DGKI: variants seen among roughly 807,000 people sequenced by gnomAD.
DGKI encodes diacylglycerol kinase iota.
Under a neutral mutation model 147.5 loss-of-function variants are expected in DGKI, and 55 were observed. The observed-to-expected ratio is 0.37, with a 90% CI of 0.30 to 0.47. DGKI has a LOEUF of 0.47. Among genes scored for constraint, DGKI ranks in the 20% least tolerant of loss-of-function variants. DGKI has a pLI of 1.00. For synonymous variants in DGKI, 469 were observed against 477.1 expected (o/e 0.98, Z 0.22); for missense variants, 1,007 against 1,323.8 (o/e 0.76, Z 3.71).
At chr7:137,771,115 C>G (rs888006815) in intron 1 of DGKI, among the ~76,000 whole-genome samples, 1 of 151,860 alleles carries the variant, frequency 6.6e-6, no homozygotes. Flanking sequence ...TTTGAGATGG[C>G]ATCTCACCTC....
In DGKI at chr7:137,846,798, G is replaced by A; in HGVS notation, c.65C>T (p.Ala22Val). The A allele has an allele frequency of 8.9e-7, 1 of 1,118,838 alleles. No homozygotes were observed. Among genetic ancestry groups the A allele is most frequent in the Admixed American group, 5.0e-5 (1 of 19,842 alleles). The allele number at this position is 1,118,838 out of a possible 1,614,324, so 69.3% of individuals were successfully genotyped here. ...PLPAARGPARAPAAAAAAAAS... is the reference protein window; with the variant it reads ...PLPAARGPARVPAAAAAAAAS... ...GGCGGCGGCGGCGGCGGCTGCAGGA[G>A]CGCGGGCAGGTCCGCGCGCCGCTGG... The change falls in exon 1 of 33, where the codon GCT becomes GTT. Residue 22 changes from alanine to valine, a missense_variant. By Grantham distance (64) the Ala-to-Val change is moderately conservative. Coordinates refer to ENST00000614521, the MANE Select transcript of DGKI (RefSeq NM_001321708.2). This position sits in a 1 kb window ranked among gnomAD's most constrained non-coding sequence, Gnocchi z 4.0.
At chr7:137,815,781 T>G in intron 1 of DGKI, among the ~76,000 whole-genome samples, 1 of 152,156 alleles carries the variant, frequency 6.6e-6, no homozygotes, top group East Asian at 1.9e-4. Context: ...AAAAGATTAG[T>G]TCTACAAGGG....
chr7:137,830,867 G>A (rs2617890), intron 1 of DGKI, among the ~76,000 whole-genome samples: 50,455 of 151,986 alleles, frequency 0.33, 9,818 homozygotes, highest in Middle Eastern at 0.55. Context: ...GGGTGACTTA[G>A]AACTGAGTCT....
intron 6 of DGKI, 143 bp downstream of exon 6, chr7:137,645,329 T>A (rs991333997): frequency 5.1e-6 from 3 of 591,486 alleles, no homozygotes; most frequent in Non-Finnish European, 8.5e-6. Flanking sequence ...ACAATGCCTC[T>A]TAAGGAGACC....
chr7:137,630,828 G>A (rs1318739234), intron 6 of DGKI, among the ~76,000 whole-genome samples: 1 of 151,994 alleles, frequency 6.6e-6, no homozygotes, highest in African/African-American at 2.4e-5. Flanking sequence ...TAGAACACCA[G>A]GAAGGTTTCT....
intron 1 of DGKI, among the ~76,000 whole-genome samples, chr7:137,746,218 G>T (rs945695869): frequency 5.9e-5 from 9 of 152,092 alleles, no homozygotes; most frequent in Non-Finnish European, 1.2e-4. Flanking sequence ...GATTGTTCTG[G>T]AGAGACTGTG....
At chr7:137,791,404 T>A (rs1796851427) in intron 1 of DGKI, among the ~76,000 whole-genome samples, 1 of 152,212 alleles carries the variant, frequency 6.6e-6, no homozygotes, top group South Asian at 2.1e-4. Context: ...CTAGCATATC[T>A]TCTCCAAAAG....
intron 21 of DGKI, among the ~76,000 whole-genome samples, chr7:137,519,594 C>T (rs1238310172): frequency 6.6e-6 from 1 of 151,956 alleles, no homozygotes; most frequent in East Asian, 1.9e-4. Context: ...TTAATTAATG[C>T]TTCTGAAATA....
At chr7:137,842,609 G>A (rs1267876090) in intron 1 of DGKI, among the ~76,000 whole-genome samples, 2 of 152,236 alleles carry the variant, frequency 1.3e-5, no homozygotes, top group Non-Finnish European at 2.9e-5. Flanking sequence ...CGATGGGCCA[G>A]CTCTTCATTG....
chr7:137,669,022 T>C (rs1005729760), intron 3 of DGKI, among the ~76,000 whole-genome samples: 2 of 152,188 alleles, frequency 1.3e-5, no homozygotes, highest in Non-Finnish European at 2.9e-5. Flanking sequence ...AGAAGCAGTA[T>C]AATCCCATTT....
chr7:137,421,022 AAAAAAG>A (rs1156741588), intron 28 of DGKI, among the ~76,000 whole-genome samples: 1 of 152,140 alleles, frequency 6.6e-6, no homozygotes, highest in African/African-American at 2.4e-5. Flanking sequence ...CCGTCTCAAT[AAAAAAG>A]AAAAAGAAAA....
chr7:137,391,519 C>T (rs1002906160), intron 32 of DGKI, among the ~76,000 whole-genome samples, 183 bp from the exon 33 acceptor site: 1 of 152,180 alleles, frequency 6.6e-6, no homozygotes, highest in South Asian at 2.1e-4. Context: ...ACTTTCAAAT[C>T]TATTGTCTTA....
chr7:137,709,441 T>C (rs1297968495), intron 1 of DGKI, among the ~76,000 whole-genome samples: 4 of 152,208 alleles, frequency 2.6e-5, no homozygotes, highest in African/African-American at 9.6e-5. Context: ...TCCACTCATC[T>C]TAAAGACTAC....
intron 5 of DGKI, among the ~76,000 whole-genome samples, chr7:137,653,267 T>C (rs940790160): frequency 2.0e-5 from 3 of 152,254 alleles, no homozygotes; most frequent in Non-Finnish European, 2.9e-5. Flanking sequence ...ACCAACGTTA[T>C]TCTTAGTTCA....
chr7:137,545,880 C>A (rs1173928223), intron 20 of DGKI: 1 of 698,256 alleles, frequency 1.4e-6, no homozygotes, highest in Non-Finnish European at 2.6e-6. Flanking sequence ...AATGTAGAAA[C>A]AGAATGGCAC....
intron 19 of DGKI, among the ~76,000 whole-genome samples, chr7:137,557,392 G>A (rs905898347): frequency 2.0e-5 from 3 of 152,080 alleles, no homozygotes; most frequent in East Asian, 1.9e-4. Context: ...CAGTGGAAAT[G>A]AATAACAGAA....
At chr7:137,654,851 T>TAA in intron 4 of DGKI, 63 bp from the exon 5 acceptor site, 1 of 979,544 alleles carries the variant, frequency 1.0e-6, no homozygotes, top group Non-Finnish European at 1.5e-6. Flanking sequence ...CTGAATTACC[T>TAA]GAAAAAAAAA....
intron 2 of DGKI, among the ~76,000 whole-genome samples, chr7:137,686,826 T>C (rs1220859347): frequency 6.6e-6 from 1 of 152,170 alleles, no homozygotes; most frequent in Non-Finnish European, 1.5e-5. Flanking sequence ...TAGGAAATAC[T>C]TGTGTCCCTT....
chr7:137,434,685 C>A (rs985325309), intron 28 of DGKI, among the ~76,000 whole-genome samples: 8 of 152,034 alleles, frequency 5.3e-5, no homozygotes, highest in African/African-American at 1.9e-4. Flanking sequence ...ACAAAGCATT[C>A]CAGAAAAACC....
Sources: allele counts gnomAD v4.1 joint callset (sites outside exome capture counted in the v4.1 genomes callset), GRCh38; gene constraint gnomAD v4.1.1; non-coding constraint Gnocchi (gnomAD v3.1); transcripts MANE v1.5; gene names NCBI Gene and HGNC (gene_info 2026-07-23, HGNC 2026-07-21).